ADGRL4: variants seen among roughly 807,000 people sequenced by gnomAD.
ADGRL4 encodes the protein adhesion G protein-coupled receptor L4.
ADGRL4 carries 90 observed loss-of-function variants against 74.8 expected under a neutral mutation model. That is an observed-to-expected ratio of 1.20 (90% CI 1.02 to 1.43). The LOEUF is 1.43. ADGRL4 is among the 40% of genes most tolerant of loss of function. The pLI, the probability that ADGRL4 is intolerant of heterozygous loss-of-function variation, is 0.00. For synonymous variants in ADGRL4, 311 were observed against 279.2 expected, an observed-to-expected ratio of 1.11 and a Z score of -1.14; for missense variants, 881 against 814.3, an observed-to-expected ratio of 1.08 and a Z score of -1.00.
chr1:78,902,683 C>A (rs1371868123), intron 12 of ADGRL4, among the ~76,000 whole-genome samples: 1 of 152,084 alleles, frequency 6.6e-6, no homozygotes, highest in Non-Finnish European at 1.5e-5. Flanking sequence ...ACAGTTATTG[C>A]CTTTGAGAAA....
intron 12 of ADGRL4, among the ~76,000 whole-genome samples, chr1:78,905,156 A>G (rs1289780296): frequency 1.3e-5 from 2 of 152,074 alleles, no homozygotes; most frequent in African/African-American, 4.8e-5. Context: ...CTAAAGTGAT[A>G]TCAGCAAAAT....
At chr1:78,947,625 T>C (rs1649630710) in intron 2 of ADGRL4, among the ~76,000 whole-genome samples, 1 of 151,982 alleles carries the variant, frequency 6.6e-6, no homozygotes, top group Non-Finnish European at 1.5e-5. Context: ...AGAAAACTGA[T>C]AGACTCAAAC....
chr1:78,929,811 G>A (rs1050784846), intron 7 of ADGRL4, among the ~76,000 whole-genome samples: 19 of 151,356 alleles, frequency 1.3e-4, no homozygotes, highest in Admixed American at 9.2e-4. Context: ...CAAAGCTACC[G>A]TACAATCAGA....
intron 2 of ADGRL4, among the ~76,000 whole-genome samples, chr1:78,986,343 G>A (rs1277134993): frequency 6.6e-6 from 1 of 151,718 alleles, no homozygotes; most frequent in Non-Finnish European, 1.5e-5. Context: ...TGATGTTTTT[G>A]TAATCCTAGC....
At chr1:78,927,174 T>G in intron 7 of ADGRL4, 83 bp from the exon 8 acceptor site, 1 of 884,990 alleles carries the variant, frequency 1.1e-6, no homozygotes, top group East Asian at 2.6e-5. Flanking sequence ...AAAAATTGAA[T>G]AGACAAACAT....
At chr1:78,969,707 G>T (rs866208239) in intron 2 of ADGRL4, among the ~76,000 whole-genome samples, 40 of 144,010 alleles carry the variant, frequency 2.8e-4, no homozygotes, top group Non-Finnish European at 2.7e-4. Context: ...TGATTTGTGG[G>T]TTTTTTTTTT....
chr1:78,891,652 C>T lies in ADGRL4; in HGVS notation c.1882G>A (p.Gly628Ser). 4 of 1,612,734 alleles carry T rather than the reference C, an allele frequency of 2.5e-6. No homozygotes were observed. The highest frequency in any genetic ancestry group is 3.4e-6 in the Non-Finnish European group (4 of 1,179,410). The part of the protein sequence containing the change: ...RGALALLFLL[G>S]TTWIFGVLHV... ...AGAACCCCAAAGATCCAGGTGGTGC[C>T]GAGAAGGAACAGAAGAGCGAGGGCT... Residue 628 changes from glycine to serine, a missense_variant, in exon 14 of 15, where the codon GGC (glycine) becomes AGC (serine). Physicochemically the swap from Gly to Ser is moderately conservative, Grantham distance 56. Coordinates refer to ENST00000370742, the MANE Select transcript of ADGRL4 (RefSeq NM_022159.4).
intron 12 of ADGRL4, among the ~76,000 whole-genome samples, chr1:78,914,462 A>G (rs1648828597): frequency 6.6e-6 from 1 of 151,872 alleles, no homozygotes; most frequent in Non-Finnish European, 1.5e-5. Flanking sequence ...ATTCTAAAGC[A>G]TAGGATGCAA....
chr1:78,951,941 A>G (rs529100280), intron 2 of ADGRL4, among the ~76,000 whole-genome samples: 22 of 152,348 alleles, frequency 1.4e-4, no homozygotes, highest in African/African-American at 4.8e-4. Flanking sequence ...TTTTGACCAT[A>G]AACCATATGA....
chr1:78,930,276 T>A (rs757400186), intron 7 of ADGRL4, among the ~76,000 whole-genome samples: 1 of 150,300 alleles, frequency 6.7e-6, no homozygotes, highest in East Asian at 2.0e-4. Flanking sequence ...TTTGCAAAAA[T>A]TTTACAATTC....
At chr1:78,998,476 T>C (rs998126121) in intron 2 of ADGRL4, among the ~76,000 whole-genome samples, 2 of 150,118 alleles carry the variant, frequency 1.3e-5, no homozygotes, top group Non-Finnish European at 3.0e-5. Context: ...CTCAAGCGAT[T>C]CTCCTGCCTC....
chr1:78,893,601 G>A (rs1404003130), intron 12 of ADGRL4, among the ~76,000 whole-genome samples: 3 of 151,814 alleles, frequency 2.0e-5, no homozygotes, highest in African/African-American at 7.2e-5. Flanking sequence ...TTGAAAGATT[G>A]AAAAGAAATA....
At chr1:78,935,555 A>T (rs553295613) in intron 7 of ADGRL4, among the ~76,000 whole-genome samples, 10 of 152,190 alleles carry the variant, frequency 6.6e-5, no homozygotes, top group Middle Eastern at 3.4e-3. Context: ...AACCTACTTT[A>T]AAAAAATCTC....
intron 2 of ADGRL4, among the ~76,000 whole-genome samples, chr1:78,971,507 G>A (rs916544165): frequency 5.9e-5 from 9 of 152,032 alleles, no homozygotes; most frequent in Non-Finnish European, 8.8e-5. Flanking sequence ...CTGGGGTATG[G>A]TACCTGGGAT....
In ADGRL4 at chr1:79,005,145, A is replaced by G. The variant is rs757630891; in HGVS notation, c.97T>C (p.Cys33Arg). 8 of 1,613,626 alleles carry G rather than the reference A, an allele frequency of 5.0e-6. No homozygotes were observed. The African/African-American group carries it at 1.1e-4, about 22-fold the overall frequency. Residue 33 changes from cysteine (C) to arginine (R), a missense_variant, in exon 2 of 15, where the codon TGT (cysteine) becomes CGT (arginine). Transcript: ENST00000370742. The stretch of plus-strand genomic sequence containing the variant: ...GCTTCAATTCCATTGCGTATTTCAC[A>G]TTTTGCATTTGGGAGACAAGGTGTC... ...TKTPCLPNAK[C>R]EIRNGIEACY...
At chr1:78,946,182 T>A (rs1249002736) in intron 3 of ADGRL4, 92 bp downstream of exon 3, 1 of 939,684 alleles carries the variant, frequency 1.1e-6, no homozygotes, top group Non-Finnish European at 1.5e-6. Flanking sequence ...ACGATCAAGG[T>A]CTGGCAGAAT....
At chr1:78,931,909 C>T (rs962141113) in intron 7 of ADGRL4, among the ~76,000 whole-genome samples, 9 of 151,364 alleles carry the variant, frequency 5.9e-5, no homozygotes, top group Non-Finnish European at 1.2e-4. Flanking sequence ...GCACCCGATA[C>T]AGGAGCCAGA....
At chr1:78,891,902 G>T (rs1648286263) in intron 13 of ADGRL4, among the ~76,000 whole-genome samples, 1 of 152,128 alleles carries the variant, frequency 6.6e-6, no homozygotes, top group Admixed American at 6.6e-5. Flanking sequence ...CGTGGCAGGG[G>T]TGTGCTTCCA....
In ADGRL4 at chr1:78,936,342, T is replaced by A. The variant is rs368414487; in HGVS notation, c.830A>T (p.Asp277Val). Residue 277 changes from aspartate to valine, a missense_variant, in exon 7 of 15, where the codon GAC (aspartate) becomes GTC (valine). Asp to Val is a radical substitution (Grantham distance 152). Coordinates refer to ENST00000370742, the MANE Select transcript of ADGRL4 (RefSeq NM_022159.4). Reference protein sequence around the residue: ...HIHPHMNMDGDYINIFPKRKA... With the variant: ...HIHPHMNMDGVYINIFPKRKA... ...TCTCTTTGGAAATATATTTATGTAG[T>A]CTCCATCCATATTCATATGAGGATG... 155 of 1,594,208 alleles carry A rather than the reference T, an allele frequency of 9.7e-5. No individual in the cohort carries two copies. Among genetic ancestry groups the A allele is most frequent in the Non-Finnish European group, 1.2e-4 (146 of 1,172,872 alleles).
Sources: allele counts gnomAD v4.1 joint callset (sites outside exome capture counted in the v4.1 genomes callset), GRCh38; gene constraint gnomAD v4.1.1; transcripts MANE v1.5; gene names NCBI Gene and HGNC (gene_info 2026-07-23, HGNC 2026-07-21).